Variants in NPTN observed in about 807,000 individuals in gnomAD.
NPTN encodes the protein neuroplastin.
In NPTN, 5 loss-of-function variants were observed where a neutral mutation model predicts 42.7. That is an observed-to-expected ratio of 0.12 (90% CI 0.06 to 0.25). NPTN has a LOEUF of 0.25. Among genes scored for constraint, NPTN ranks in the 10% least tolerant of loss-of-function variants. The pLI is 1.00. For missense variants in NPTN, 307 were observed against 525.4 expected (o/e 0.58, Z 4.06); for synonymous variants, 180 against 201.9 (o/e 0.89, Z 0.92).
chr15:73,571,928 G>A (rs946028864), intron 5 of NPTN, among the ~76,000 whole-genome samples: 4 of 152,144 alleles, frequency 2.6e-5, no homozygotes, highest in African/African-American at 7.2e-5. Flanking sequence ...CACATACTGC[G>A]TTAATTCCAA....
chr15:73,572,395 G>A (rs1034652816), intron 5 of NPTN, among the ~76,000 whole-genome samples: 1 of 152,184 alleles, frequency 6.6e-6, no homozygotes, highest in Non-Finnish European at 1.5e-5. Flanking sequence ...GAGAGAAAGT[G>A]AGGTTCTAAA....
In NPTN at chr15:73,605,110, G is replaced by A. The variant is rs896628570; in HGVS notation, c.92-7741C>T. ...GAGACCCTGTCTCAAGGGGGGGGGG[G>A]GAAAAGAATGATCTAAACTAGTCCT... On this transcript the variant is annotated intron_variant, in intron 1 of 8. Transcript: ENST00000345330. Among the ~76,000 whole-genome samples the A allele has an allele frequency of 8.6e-4, 123 of 143,138 alleles. 9 individuals are homozygous for A. The highest frequency in any genetic ancestry group is 3.4e-3 in the Middle Eastern group (1 of 290). The allele number at this position is 143,138 out of a possible 152,430, so 93.9% of individuals were successfully genotyped here.
chr15:73,587,871 G>A (rs1217141136), intron 3 of NPTN, among the ~76,000 whole-genome samples: 2 of 152,202 alleles, frequency 1.3e-5, no homozygotes, highest in Non-Finnish European at 2.9e-5. Flanking sequence ...GGTCTACTGG[G>A]AGAAACAAAA....
At chr15:73,594,697 G>T (rs903181901) in intron 2 of NPTN, among the ~76,000 whole-genome samples, 1 of 152,146 alleles carries the variant, frequency 6.6e-6, no homozygotes, top group African/African-American at 2.4e-5. Context: ...ACCTGCCACT[G>T]ATGTCTATTT....
Position 73,576,002 on chromosome 15 carries a change from G to C in NPTN, c.707-2207C>G, listed in dbSNP as rs531183218. Among the ~76,000 whole-genome samples the C allele has an allele frequency of 6.5e-4, 99 of 152,242 alleles. No homozygotes were observed. The South Asian group carries it at 0.021, about 32-fold the overall frequency. ...GGCTCTATCTCATTCCCACAAAGCC[G>C]AACTTTTCCCACAGCTACTCAGTCA... On this transcript the variant is annotated intron_variant, in intron 4 of 8. Transcript: ENST00000345330.
chr15:73,564,803 A>G (rs529907566), intron 6 of NPTN, among the ~76,000 whole-genome samples: 1 of 152,350 alleles, frequency 6.6e-6, no homozygotes, highest in East Asian at 1.9e-4. Flanking sequence ...GAAAAGACAT[A>G]GGAGCAAACT....
intron 4 of NPTN, among the ~76,000 whole-genome samples, chr15:73,579,398 C>T (rs1028987060): frequency 2.0e-5 from 3 of 152,056 alleles, no homozygotes; most frequent in African/African-American, 7.2e-5. Context: ...ATATGTGGTA[C>T]ATTTTCCCAT....
Position 73,602,555 on chromosome 15 carries a change from G to A in NPTN, c.92-5186C>T, listed in dbSNP as rs565408605. ...TGCTGTGAGGCTGTCACAGACTTGA[G>A]CCTACACAAACTACTGTAGAGCCTG... On this transcript the variant is annotated intron_variant, in intron 1 of 8. Coordinates refer to ENST00000345330, the MANE Select transcript of NPTN (RefSeq NM_012428.4). Among the ~76,000 whole-genome samples the A allele has an allele frequency of 1.1e-4, 16 of 152,296 alleles. No individual in the cohort carries two copies. In the South Asian group the frequency reaches 3.3e-3, roughly 32 times the overall value.
intron 5 of NPTN, among the ~76,000 whole-genome samples, chr15:73,571,634 T>C (rs182506314): frequency 3.1e-4 from 47 of 152,034 alleles, no homozygotes; most frequent in Non-Finnish European, 4.7e-4. Context: ...AAGGCAGAGG[T>C]GCAAGAGTGC....
intron 1 of NPTN, among the ~76,000 whole-genome samples, chr15:73,628,815 G>T (rs1433986779): frequency 6.6e-6 from 1 of 151,514 alleles, no homozygotes; most frequent in Non-Finnish European, 1.5e-5. Context: ...ATATAATGTT[G>T]CTTTTTATTA....
chr15:73,563,272 GT>G lies in NPTN; in HGVS notation c.1115-16del. On this transcript the variant is annotated splice_polypyrimidine_tract_variant and intron_variant, in intron 6 of 8. Coordinates refer to ENST00000345330, the MANE Select transcript of NPTN (RefSeq NM_012428.4). ...TGGTTCATCATCTACATGGTGTTCA[GT>G]TTTTTAAAAATCCATGAGAGATAAG... The G allele has an allele frequency of 6.2e-7, 1 of 1,612,758 alleles. No homozygotes were observed. Among genetic ancestry groups the G allele is most frequent in the Non-Finnish European group, 8.5e-7 (1 of 1,179,092 alleles).
intron 4 of NPTN, among the ~76,000 whole-genome samples, chr15:73,578,713 G>A (rs1895825343): frequency 6.6e-6 from 1 of 152,198 alleles, no homozygotes; most frequent in South Asian, 2.1e-4. Flanking sequence ...GTGGTGGCTG[G>A]CTAGGTGCAG....
chr15:73,605,105 G>GGGGGC, intron 1 of NPTN, among the ~76,000 whole-genome samples: 1 of 146,162 alleles, frequency 6.8e-6, no homozygotes, highest in African/African-American at 2.7e-5. Context: ...CTCAAGGGGG[G>GGGGGC]GGGGGGAAAA....
intron 6 of NPTN, chr15:73,567,001 GCT>G (rs1491402138): frequency 4.7e-5 from 40 of 856,836 alleles, no homozygotes; most frequent in Non-Finnish European, 5.4e-5. Flanking sequence ...AAGACATGGG[GCT>G]TTTTTTTTTT....
chr15:73,607,662 C>T (rs1897353193), intron 1 of NPTN, among the ~76,000 whole-genome samples: 1 of 152,194 alleles, frequency 6.6e-6, no homozygotes, highest in African/African-American at 2.4e-5. Context: ...GTCTTCCCAG[C>T]TGATGAACTA....
At chr15:73,610,100 T>C (rs1566983753) in intron 1 of NPTN, among the ~76,000 whole-genome samples, 2 of 152,080 alleles carry the variant, frequency 1.3e-5, no homozygotes, top group African/African-American at 2.4e-5. Flanking sequence ...TTTTTCTTTT[T>C]TTAGAGACAG....
At chr15:73,567,777 G>A (rs542157133) in intron 6 of NPTN, 107 of 984,682 alleles carry the variant, frequency 1.1e-4, no homozygotes, top group Non-Finnish European at 1.3e-4. Context: ...ATGGAGAGTG[G>A]AGCCTGGCCC....
chr15:73,588,136 AG>A (rs1312630235), intron 3 of NPTN, among the ~76,000 whole-genome samples: 1 of 152,174 alleles, frequency 6.6e-6, no homozygotes, highest in Non-Finnish European at 1.5e-5. Context: ...GCTACTCGGG[AG>A]GCTGAGGCAG....
At chr15:73,631,342 T>C (rs1163349639) in intron 1 of NPTN, among the ~76,000 whole-genome samples, 1 of 152,202 alleles carries the variant, frequency 6.6e-6, no homozygotes, top group Non-Finnish European at 1.5e-5. Context: ...CCTTCCACAG[T>C]GGACTCATGC....
Sources: gnomAD v4.1 joint callset for allele counts (sites outside exome capture counted in the v4.1 genomes callset) on GRCh38, gnomAD v4.1.1 for gene constraint, MANE v1.5 for transcripts, NCBI Gene and HGNC (gene_info 2026-07-23, HGNC 2026-07-21) for gene names.